Variants in C10orf90 observed in about 807,000 individuals in gnomAD.
C10orf90 encodes the protein chromosome 10 open reading frame 90.
C10orf90 carries 56 observed loss-of-function variants against 62.5 expected under a neutral mutation model. The ratio of observed to expected loss-of-function variants is 0.90; its 90% CI spans 0.72 to 1.12. C10orf90 has a LOEUF of 1.12. Among genes scored for constraint, C10orf90 ranks in the 50% most tolerant of loss-of-function variants. The pLI, the probability that C10orf90 is intolerant of heterozygous loss-of-function variation, is 0.00. For missense variants in C10orf90, 970 were observed against 880.4 expected (o/e 1.10, Z -1.29); for synonymous variants, 386 against 340.4 (o/e 1.13, Z -1.47).
intron 4 of C10orf90, among the ~76,000 whole-genome samples, chr10:126,478,830 C>T (rs1384124470): frequency 1.3e-5 from 2 of 152,078 alleles, no homozygotes; most frequent in South Asian, 2.1e-4. Flanking sequence ...CCCTGGGGAA[C>T]AGGGGAGAAG....
At chr10:126,642,372 A>C (rs964840077) in intron 2 of C10orf90, among the ~76,000 whole-genome samples, 2 of 152,206 alleles carry the variant, frequency 1.3e-5, no homozygotes, top group Middle Eastern at 3.4e-3. Context: ...CTCTACTAAA[A>C]ATACAAAAAA....
Position 126,464,723 on chromosome 10 carries a change from C to T in C10orf90, c.1798G>A (p.Val600Ile). The change falls in exon 5 of 10, where the codon GTT becomes ATT. Residue 600 changes from valine (V) to isoleucine (I), a missense_variant. Coordinates refer to ENST00000488181, the MANE Select transcript of C10orf90 (RefSeq NM_001350921.2). ...TTGGGGAACTTGCTTTCTATCTGAA[C>T]ACCATTGTCTTCCTGCAGAGATGCA... ...VCASLQEDNG[V>I]QIESKFPKGD... is the part of the protein sequence containing the mutation. 6.2e-7 allele frequency: 1 copy of T among 1,611,770 alleles called. No individual in the cohort carries two copies. The highest frequency in any genetic ancestry group is 2.2e-5 in the East Asian group (1 of 44,790).
intron 2 of C10orf90, chr10:126,520,958 C>T: frequency 4.9e-6 from 1 of 205,066 alleles, no homozygotes; most frequent in Non-Finnish European, 9.7e-6. Context: ...TCCATGACAT[C>T]TGCAAAGGTC....
chr10:126,663,765 A>G (rs1021631461), intron 1 of C10orf90, among the ~76,000 whole-genome samples: 3 of 152,124 alleles, frequency 2.0e-5, no homozygotes, highest in Admixed American at 2.0e-4. Context: ...ATGGGTTCAG[A>G]ACTGCAAAAA....
rs112561747 is a variant in C10orf90 at position 126,482,036 on chromosome 10, C to A, written c.1535-17050G>T. Among the ~76,000 whole-genome samples the A allele has an allele frequency of 1.3e-3, 205 of 152,110 alleles. 1 individual carries two copies. Among genetic ancestry groups the A allele is most frequent in the African/African-American group, 4.5e-3 (186 of 41,366 alleles). On this transcript the variant is annotated intron_variant, in intron 4 of 9. Coordinates refer to ENST00000488181, the MANE Select transcript of C10orf90 (RefSeq NM_001350921.2). ...CTTACTAGGTTTCCCCAGTCTATTA[C>A]CATTGGCTCATACTTTTTTTGTCCA...
At chr10:126,460,976 C>T (rs770844245) in intron 6 of C10orf90, among the ~76,000 whole-genome samples, 2 of 152,140 alleles carry the variant, frequency 1.3e-5, no homozygotes, top group Non-Finnish European at 2.9e-5. Flanking sequence ...CCTATCCCTC[C>T]ATTCATGACC....
At chr10:126,614,057 A>C (rs1384786812) in intron 2 of C10orf90, among the ~76,000 whole-genome samples, 1 of 152,152 alleles carries the variant, frequency 6.6e-6, no homozygotes, top group Non-Finnish European at 1.5e-5. Flanking sequence ...TCCTCATCAC[A>C]CTTCTCATCT....
intron 4 of C10orf90, among the ~76,000 whole-genome samples, chr10:126,465,788 T>TC (rs1169818111): frequency 6.6e-6 from 1 of 152,216 alleles, no homozygotes; most frequent in African/African-American, 2.4e-5. Flanking sequence ...ACATTCATGC[T>TC]CTGCAATGGT....
At chr10:126,612,364 G>A (rs1437562210) in intron 2 of C10orf90, among the ~76,000 whole-genome samples, 1 of 152,112 alleles carries the variant, frequency 6.6e-6, no homozygotes, top group East Asian at 1.9e-4. Context: ...CATGCAGCCA[G>A]TGGCTACCAC....
intron 2 of C10orf90, among the ~76,000 whole-genome samples, chr10:126,636,037 A>G (rs961195840): frequency 1.3e-5 from 2 of 152,184 alleles, no homozygotes; most frequent in African/African-American, 2.4e-5. Context: ...TTTTATAATC[A>G]TAAGGTCTCC....
intron 4 of C10orf90, among the ~76,000 whole-genome samples, chr10:126,488,235 G>A (rs1422208412): frequency 6.6e-6 from 1 of 152,024 alleles, no homozygotes; most frequent in Non-Finnish European, 1.5e-5. Context: ...TTGCAAAAAT[G>A]TAGTAATCAG....
intron 1 of C10orf90, among the ~76,000 whole-genome samples, chr10:126,648,693 C>T (rs1005492929): frequency 6.6e-6 from 1 of 152,156 alleles, no homozygotes; most frequent in South Asian, 2.1e-4. Flanking sequence ...AGTTATCTCT[C>T]CACTGCTTCA....
chr10:126,581,041 C>T (rs1205804793), intron 2 of C10orf90, among the ~76,000 whole-genome samples: 1 of 152,116 alleles, frequency 6.6e-6, no homozygotes. Context: ...CCAGAGAAGG[C>T]ACTCACAGCT....
chr10:126,571,350 G>T (rs1477067411), intron 2 of C10orf90, among the ~76,000 whole-genome samples: 2 of 152,192 alleles, frequency 1.3e-5, no homozygotes, highest in Non-Finnish European at 2.9e-5. Context: ...GTCTCAGGAG[G>T]ACTGGCCCTG....
At chr10:126,437,472 G>A (rs11244986) in intron 7 of C10orf90, among the ~76,000 whole-genome samples, 1,540 of 152,230 alleles carry the variant, frequency 0.01, 30 homozygotes, top group African/African-American at 0.036. Context: ...GCTTGGGTTT[G>A]AGGACCGCTG....
At chr10:126,535,892 G>A (rs912193590) in intron 2 of C10orf90, among the ~76,000 whole-genome samples, 19 of 152,174 alleles carry the variant, frequency 1.2e-4, no homozygotes, top group African/African-American at 4.6e-4. Context: ...TCCCTGCTCA[G>A]GGTTTCTCTT....
chr10:126,565,012 T>TATAAAATATATATAA (rs1844297810), intron 2 of C10orf90, among the ~76,000 whole-genome samples: 2 of 10,248 alleles, frequency 2.0e-4, no homozygotes, highest in Non-Finnish European at 3.5e-4. Flanking sequence ...ATAATATATA[T>TATAAAATATATATAA]AATATATATT....
intron 2 of C10orf90, among the ~76,000 whole-genome samples, chr10:126,603,320 A>C (rs190274428): frequency 1.3e-5 from 2 of 152,140 alleles, no homozygotes; most frequent in Non-Finnish European, 2.9e-5. Context: ...AGTGCTGAGC[A>C]AAAGCGGGAA....
chr10:126,493,517 C>T (rs114968085), intron 4 of C10orf90, among the ~76,000 whole-genome samples: 2,914 of 152,006 alleles, frequency 0.019, 91 homozygotes, highest in African/African-American at 0.066. Flanking sequence ...CCTGCCACCA[C>T]GCCTAGTTTT....
Sources: gnomAD v4.1 joint callset for allele counts (sites outside exome capture counted in the v4.1 genomes callset) on GRCh38, gnomAD v4.1.1 for gene constraint, MANE v1.5 for transcripts, NCBI Gene and HGNC (gene_info 2026-07-23, HGNC 2026-07-21) for gene names.